NAV2: variants seen among roughly 807,000 people sequenced by gnomAD.
NAV2 encodes neuron navigator 2.
A neutral mutation model predicts 223.2 loss-of-function variants in NAV2; 54 were observed. The observed-to-expected ratio is 0.24, with a 90% CI of 0.19 to 0.30. The LOEUF (loss-of-function observed/expected upper bound fraction) is 0.30, where lower values mean the gene tolerates loss of function less well. Among genes scored for constraint, NAV2 ranks in the 10% least tolerant of loss-of-function variants. The pLI is 1.00. For synonymous variants in NAV2, 1,279 were observed against 1,239.3 expected, an observed-to-expected ratio of 1.03 and a Z score of -0.67; for missense variants, 2,806 against 3,147.5, an observed-to-expected ratio of 0.89 and a Z score of 2.60.
chr11:19,620,369 A>T (rs1445322972), intron 1 of NAV2, among the ~76,000 whole-genome samples: 2 of 152,146 alleles, frequency 1.3e-5, no homozygotes, highest in African/African-American at 4.8e-5. Flanking sequence ...CATTTTCATG[A>T]TATTGATTCT....
chr11:19,883,202 A>T (rs1183005646), intron 5 of NAV2, among the ~76,000 whole-genome samples: 1 of 152,226 alleles, frequency 6.6e-6, no homozygotes, highest in East Asian at 1.9e-4. Context: ...GGTAGCAAAT[A>T]CTAAAGCTTG....
At chr11:19,979,178 T>C (rs2050079653) in intron 10 of NAV2, 1 of 152,182 alleles carries the variant, frequency 6.6e-6, no homozygotes, top group African/African-American at 2.4e-5. Flanking sequence ...GACTAGGAAA[T>C]GGTGTGTTCT....
chr11:19,476,444 A>G (rs1451407225), intron 1 of NAV2, among the ~76,000 whole-genome samples: 1 of 152,082 alleles, frequency 6.6e-6, no homozygotes, highest in East Asian at 1.9e-4. Flanking sequence ...GGCTACTGCT[A>G]GAACCTCTAG....
At chr11:19,977,956 C>T (rs1271236345) in intron 10 of NAV2, among the ~76,000 whole-genome samples, 3 of 151,002 alleles carry the variant, frequency 2.0e-5, no homozygotes, top group African/African-American at 7.3e-5. Context: ...AGGCGCCTGC[C>T]ACCACGCCCA....
intron 1 of NAV2, among the ~76,000 whole-genome samples, chr11:19,580,166 AG>A (rs1297383863): frequency 6.6e-6 from 1 of 152,124 alleles, no homozygotes; most frequent in Non-Finnish European, 1.5e-5. Context: ...TCTCTTTGCC[AG>A]GTGGCTGTTA....
chr11:19,414,798 A>G (rs1850295672), intron 1 of NAV2, among the ~76,000 whole-genome samples: 1 of 152,246 alleles, frequency 6.6e-6, no homozygotes, highest in African/African-American at 2.4e-5. Flanking sequence ...AACTCAATCA[A>G]AACTGCACAA....
intron 1 of NAV2, among the ~76,000 whole-genome samples, chr11:19,728,663 C>G (rs919768005): frequency 5.3e-5 from 8 of 152,174 alleles, no homozygotes; most frequent in Non-Finnish European, 5.9e-5. Flanking sequence ...GCACTAAATG[C>G]GATCATGTGG....
chr11:19,978,403 G>C lies in NAV2; in HGVS notation c.2646-5722G>C, dbSNP rs567059685. Among the ~76,000 whole-genome samples the C allele has an allele frequency of 1.1e-3, 174 of 152,238 alleles. 1 individual carries two copies. The highest frequency in any genetic ancestry group is 4.0e-3 in the African/African-American group (166 of 41,542). On this transcript the variant is annotated intron_variant, in intron 10 of 37. Coordinates refer to ENST00000349880, the MANE Select transcript of NAV2 (RefSeq NM_145117.5). ...CATTGCTCAACAACAAGGGCTTTTC[G>C]TCAGCCCCCATTAGTTTTTTCAATC...
chr11:19,753,669 C>T (rs1047171983), intron 1 of NAV2, among the ~76,000 whole-genome samples: 4 of 152,236 alleles, frequency 2.6e-5, no homozygotes, highest in African/African-American at 4.8e-5. Context: ...CCTTTGTCCC[C>T]TGCTCCCAGT....
At chr11:19,831,233 G>GT (rs2059919945) in intron 1 of NAV2, among the ~76,000 whole-genome samples, 3 of 113,992 alleles carry the variant, frequency 2.6e-5, no homozygotes, top group Admixed American at 8.4e-5. Context: ...CGGGGGGGGG[G>GT]GGGGCGCGAT....
At chr11:20,092,450 A>G in intron 28 of NAV2, 82 bp downstream of exon 28, 1 of 1,402,810 alleles carries the variant, frequency 7.1e-7, no homozygotes, top group Non-Finnish European at 9.8e-7. Flanking sequence ...CAAAATAAGC[A>G]GATCAACAGA....
chr11:19,774,398 A>T (rs2055964133), intron 1 of NAV2, among the ~76,000 whole-genome samples: 1 of 152,194 alleles, frequency 6.6e-6, no homozygotes, highest in Admixed American at 6.5e-5. Context: ...TCTGGTCTTG[A>T]AATCCTAGAC....
At chr11:20,030,568 T>C (rs995878119) in intron 11 of NAV2, among the ~76,000 whole-genome samples, 5 of 152,228 alleles carry the variant, frequency 3.3e-5, no homozygotes, top group African/African-American at 1.2e-4. Flanking sequence ...TTTGAAAGCT[T>C]GGATAATTAA....
At chr11:19,513,601 C>A (rs763752981) in intron 1 of NAV2, among the ~76,000 whole-genome samples, 4 of 152,204 alleles carry the variant, frequency 2.6e-5, no homozygotes, top group Non-Finnish European at 4.4e-5. Flanking sequence ...CCTTTTGATG[C>A]TCCCATTATT....
At chr11:19,549,214 T>C (rs1333186975) in intron 1 of NAV2, among the ~76,000 whole-genome samples, 1 of 152,200 alleles carries the variant, frequency 6.6e-6, no homozygotes, top group Non-Finnish European at 1.5e-5. Context: ...TAGGCCATTC[T>C]CATCAGACTG....
chr11:19,374,323 T>G (rs1179860271), intron 1 of NAV2, among the ~76,000 whole-genome samples: 2 of 148,752 alleles, frequency 1.3e-5, no homozygotes, highest in South Asian at 2.1e-4. Flanking sequence ...TTTTTTTTTT[T>G]TTTTTTTTTT....
chr11:19,483,400 ATTG>A (rs906929283), intron 1 of NAV2, among the ~76,000 whole-genome samples: 1 of 152,150 alleles, frequency 6.6e-6, no homozygotes, highest in Non-Finnish European at 1.5e-5. Flanking sequence ...CTGTCATGGT[ATTG>A]TTGTGCTTCT....
At chr11:19,757,753 C>T (rs771427231) in intron 1 of NAV2, among the ~76,000 whole-genome samples, 2 of 152,182 alleles carry the variant, frequency 1.3e-5, no homozygotes, top group Non-Finnish European at 2.9e-5. Flanking sequence ...GGGTACTTTT[C>T]ATGGATTGTC....
intron 8 of NAV2, 25 bp downstream of exon 8, chr11:19,939,798 G>C: frequency 1.3e-6 from 2 of 1,576,786 alleles, no homozygotes; most frequent in Non-Finnish European, 1.7e-6. Context: ...TCAGAAATCT[G>C]TGTCTGTTGG....
Sources: gnomAD v4.1 joint callset for allele counts (sites outside exome capture counted in the v4.1 genomes callset) on GRCh38, gnomAD v4.1.1 for gene constraint, MANE v1.5 for transcripts, NCBI Gene and HGNC (gene_info 2026-07-23, HGNC 2026-07-21) for gene names.